EFR3B: variants seen among roughly 807,000 people sequenced by gnomAD.
EFR3B encodes protein EFR3 homolog B.
EFR3B carries 64 observed loss-of-function variants against 104.7 expected under a neutral mutation model. The ratio of observed to expected loss-of-function variants is 0.61; its 90% CI spans 0.50 to 0.75. The LOEUF (loss-of-function observed/expected upper bound fraction) is 0.75. Among genes scored for constraint, EFR3B ranks in the 30% least tolerant of loss-of-function variants. EFR3B has a pLI of 0.00. For synonymous variants in EFR3B, 385 were observed against 417.9 expected (o/e 0.92, Z 0.96); for missense variants, 750 against 1,078.5 (o/e 0.70, Z 4.27).
chr2:25,141,232 C>A, intron 16 of EFR3B, 134 bp from the exon 17 acceptor site: 1 of 887,534 alleles, frequency 1.1e-6, no homozygotes, highest in Non-Finnish European at 1.6e-6. Context: ...CACTGAAAAG[C>A]TCAGCTGAGG....
At chr2:25,087,858 A>C (rs1669000806) in intron 1 of EFR3B, among the ~76,000 whole-genome samples, 1 of 150,526 alleles carries the variant, frequency 6.6e-6, no homozygotes, top group African/African-American at 2.5e-5. Flanking sequence ...TTATCTAAGA[A>C]GTCATCGCCA....
chr2:25,122,854 G>A (rs557146133), intron 5 of EFR3B, among the ~76,000 whole-genome samples: 58 of 152,176 alleles, frequency 3.8e-4, no homozygotes, highest in Admixed American at 1.0e-3. Flanking sequence ...AGGGTCCGTC[G>A]TTTTACTCAC....
chr2:25,080,048 A>G, intron 1 of EFR3B: 1 of 877,832 alleles, frequency 1.1e-6, no homozygotes. Flanking sequence ...GTGCCTTAGC[A>G]TCATCAACTC....
chr2:25,140,942 G>A (rs1178058392), intron 16 of EFR3B, among the ~76,000 whole-genome samples: 4 of 151,494 alleles, frequency 2.6e-5, no homozygotes, highest in African/African-American at 9.7e-5. Flanking sequence ...TCGGGAGGCT[G>A]AGGCAGGAGA....
chr2:25,101,551 G>A (rs996245657), intron 3 of EFR3B, among the ~76,000 whole-genome samples: 66 of 152,086 alleles, frequency 4.3e-4, no homozygotes, highest in African/African-American at 1.6e-3. Flanking sequence ...GTCTCGCCAT[G>A]TTGCCCAGGC....
chr2:25,155,959 G>A lies in EFR3B; in HGVS notation c.*1619G>A, dbSNP rs1671156852. On this transcript the variant is annotated 3_prime_UTR_variant, in exon 23 of 23. Transcript: ENST00000403714. ...TCCCACCTCAGCCTCCTGAGTAGCT[G>A]AGAATCCCTTTTTAGGGTACAATTT... 6.6e-6 allele frequency: 1 copy of A among 151,978 alleles called. No individual in the cohort carries two copies. The highest frequency in any genetic ancestry group is 2.1e-4 in the South Asian group (1 of 4,826). The allele number at this position is 151,978 out of a possible 1,614,324, so 9.4% of individuals were successfully genotyped here. A position where few individuals can be genotyped will look rare whatever the true frequency, so the allele number is the denominator to read the frequency against.
Position 25,074,488 on chromosome 2 carries a change from C to G in EFR3B, c.8-16837C>G, listed in dbSNP as rs561918790. Among the ~76,000 whole-genome samples the G allele has an allele frequency of 2.6e-5, 4 of 151,692 alleles. No individual in the cohort carries two copies. The East Asian group carries it at 7.8e-4, about 30-fold the overall frequency. ...GCTGAGGCAGGAGAATCGCTTGAAC[C>G]CGGGAGGCAGAGGTTGCAGTGAGCC... is the stretch of plus-strand genomic sequence containing the variant. On this transcript the variant is annotated intron_variant, in intron 1 of 22. Coordinates refer to ENST00000403714, the MANE Select transcript of EFR3B (RefSeq NM_014971.2).
At chr2:25,113,420 T>C (rs1457599516) in intron 4 of EFR3B, among the ~76,000 whole-genome samples, 2 of 152,016 alleles carry the variant, frequency 1.3e-5, no homozygotes, top group African/African-American at 2.4e-5. Flanking sequence ...GCGCGGGGGC[T>C]CACGCCTGTA....
rs1374094400 is a variant in EFR3B, at chr2:25,158,207, C to A, written c.*3867C>A. On this transcript the variant is annotated 3_prime_UTR_variant, in exon 23 of 23. Coordinates refer to ENST00000403714, the MANE Select transcript of EFR3B (RefSeq NM_014971.2). ...TGACCTGGTGACAGAGAGTGCCCTG[C>A]AGAAGTGAGTCTATTTTTCCCAATT... 6.6e-6 allele frequency: 1 copy of A among 152,322 alleles called. No individual in the cohort carries two copies. The highest frequency in any genetic ancestry group is 1.5e-5 in the Non-Finnish European group (1 of 68,138). 9.4% of individuals were successfully genotyped at this position (152,322 alleles called of 1,614,324 possible).
intron 1 of EFR3B, among the ~76,000 whole-genome samples, chr2:25,054,974 C>T (rs1667979064): frequency 6.6e-6 from 1 of 152,212 alleles, no homozygotes; most frequent in South Asian, 2.1e-4. Context: ...TTATCTAAAT[C>T]CTTATGCAAT....
At chr2:25,052,884 TC>T (rs1451684521) in intron 1 of EFR3B, among the ~76,000 whole-genome samples, 1 of 152,098 alleles carries the variant, frequency 6.6e-6, no homozygotes, top group Admixed American at 6.6e-5. Flanking sequence ...TATATAATCT[TC>T]CCCCAACTCC....
chr2:25,095,198 A>G (rs1257040597), intron 3 of EFR3B, among the ~76,000 whole-genome samples: 1 of 152,216 alleles, frequency 6.6e-6, no homozygotes, highest in African/African-American at 2.4e-5. Flanking sequence ...TCAGAGGAGA[A>G]TATTTCAGTG....
At chr2:25,116,085 G>A (rs1669850368) in intron 4 of EFR3B, 1 of 152,250 alleles carries the variant, frequency 6.6e-6, no homozygotes, top group African/African-American at 2.4e-5. Flanking sequence ...GTTAAGAATG[G>A]CGTGCTGTTT....
chr2:25,108,460 A>G (rs1669627263), intron 4 of EFR3B, among the ~76,000 whole-genome samples: 1 of 152,220 alleles, frequency 6.6e-6, no homozygotes, highest in Non-Finnish European at 1.5e-5. Context: ...GTGTATACAA[A>G]CGGTAAAATA....
Position 25,131,812 on chromosome 2 carries a change from G to A in EFR3B, c.1048G>A (p.Ala350Thr), listed in dbSNP as rs1558614706. ...LRQLRLSIDYALTGSYDGAVS... is the reference protein window; with the variant it reads ...LRQLRLSIDYTLTGSYDGAVS... ...GCAGCTGCGGCTCAGCATCGACTAC[G>A]CGCTGACCGGGAGCTACGACGGGGC... Residue 350 changes from alanine (A) to threonine (T), a missense_variant, in exon 10 of 23, where the codon GCG becomes ACG. Transcript: ENST00000403714. The surrounding 1 kb of genome is among the most constrained non-coding windows in gnomAD (Gnocchi z 7.6). 2.6e-6 allele frequency: 4 copies of A among 1,549,562 alleles called. No individual in the cohort carries two copies. Among genetic ancestry groups the A allele is most frequent in the African/African-American group, 1.4e-5 (1 of 73,120 alleles).
rs1667602533 is a variant in EFR3B at position 25,042,589 on chromosome 2, G to C, written c.7+270G>C. The C allele has an allele frequency of 8.4e-7, 1 of 1,194,364 alleles. No individual in the cohort carries two copies. Among genetic ancestry groups the C allele is most frequent in the Non-Finnish European group, 1.0e-6 (1 of 964,148 alleles). 74.0% of individuals were successfully genotyped at this position (1,194,364 alleles called of 1,614,324 possible). A position where few individuals can be genotyped will look rare whatever the true frequency, so the allele number is the denominator to read the frequency against. On this transcript the variant is annotated intron_variant, in intron 1 of 22. Transcript: ENST00000403714. This position sits in a 1 kb window ranked among gnomAD's most constrained non-coding sequence, Gnocchi z 5.4. ...GGGGGGCGGAGGCTCAGGGGAAAGC[G>C]GGTCTCCCGGAGCCGAGCAGACCGG...
rs1670307080 is a variant in EFR3B, at chr2:25,130,811, A to G, written c.849+181A>G. ...CGGCTGATTTTATTTCCAGTACATC[A>G]CAGACCAATACTTTTATAAAATACA... On this transcript the variant is annotated intron_variant, in intron 8 of 22. Coordinates refer to ENST00000403714, the MANE Select transcript of EFR3B (RefSeq NM_014971.2). This position sits in a 1 kb window ranked among gnomAD's most constrained non-coding sequence, Gnocchi z 4.6. Among the ~76,000 whole-genome samples, 1 of 152,390 alleles carries G rather than the reference A, an allele frequency of 6.6e-6. No homozygotes were observed. Among genetic ancestry groups the G allele is most frequent in the African/African-American group, 2.4e-5 (1 of 41,602 alleles).
chr2:25,135,760 T>A (rs1469992311), intron 13 of EFR3B, 121 bp downstream of exon 13: 3 of 1,174,564 alleles, frequency 2.6e-6, no homozygotes, highest in East Asian at 2.6e-5. Context: ...TATTGTGGGA[T>A]CTGAGTATCC....
At position 25,156,290 on chromosome 2, in the gene EFR3B, G is replaced by GTTTTTTTTTTTTTTTT. The variant is rs1034346702; in HGVS notation, c.*1960_*1975dup. ...TGTGGGCACACAGCTTCTTTTTCTT[G>GTTTTTTTTTTTTTTTT]TTTTTTTTTTTTTTTTTTTTTTTTT... On this transcript the variant is annotated 3_prime_UTR_variant, in exon 23 of 23. Coordinates refer to ENST00000403714, the MANE Select transcript of EFR3B (RefSeq NM_014971.2). The GTTTTTTTTTTTTTTTT allele has an allele frequency of 4.2e-5, 3 of 71,772 alleles. No homozygotes were observed. The highest frequency in any genetic ancestry group is 5.7e-4 in the South Asian group (1 of 1,754). 4.4% of individuals were successfully genotyped at this position (71,772 alleles called of 1,614,324 possible). A position where few individuals can be genotyped will look rare whatever the true frequency, so the allele number is the denominator to read the frequency against.
Sources: gnomAD v4.1 joint callset for allele counts (sites outside exome capture counted in the v4.1 genomes callset) on GRCh38, gnomAD v4.1.1 for gene constraint, Gnocchi (gnomAD v3.1) non-coding constraint, MANE v1.5 for transcripts, NCBI Gene and HGNC (gene_info 2026-07-23, HGNC 2026-07-21) for gene names.